Variants in ANO1 observed in about 807,000 individuals in gnomAD.
ANO1 encodes anoctamin 1.
Under a neutral mutation model 124.0 loss-of-function variants are expected in ANO1, and 59 were observed. The ratio of observed to expected loss-of-function variants is 0.48; its 90% CI spans 0.39 to 0.59. The LOEUF is 0.59. Ranked by LOEUF, ANO1 falls within the 20% of genes least tolerant of loss-of-function variation. The pLI, the probability that ANO1 is intolerant of heterozygous loss-of-function variation, is 0.00. For missense variants in ANO1, 1,059 were observed against 1,328.0 expected, an observed-to-expected ratio of 0.80 and a Z score of 3.15; for synonymous variants, 529 against 532.0, an observed-to-expected ratio of 0.99 and a Z score of 0.08.
intron 1 of ANO1, among the ~76,000 whole-genome samples, chr11:70,004,242 G>A (rs1036680825): frequency 4.6e-5 from 7 of 152,122 alleles, no homozygotes; most frequent in African/African-American, 1.2e-4. Flanking sequence ...TGTGCTAGAC[G>A]TGAGCTTTAG....
intron 11 of ANO1, among the ~76,000 whole-genome samples, chr11:70,139,160 CTTTTTTA>C (rs2135560822): frequency 6.6e-6 from 1 of 152,178 alleles, no homozygotes; most frequent in East Asian, 1.9e-4. Context: ...ACCACATATT[CTTTTTTA>C]TTTTTTATCT....
intron 1 of ANO1, among the ~76,000 whole-genome samples, chr11:70,000,115 G>A (rs1369730603): frequency 3.9e-5 from 6 of 152,172 alleles, no homozygotes; most frequent in Non-Finnish European, 7.3e-5. Flanking sequence ...AACCAAGTGA[G>A]GTCACTTTTT....
At chr11:70,060,518 T>C (rs1233383555) in intron 1 of ANO1, among the ~76,000 whole-genome samples, 1 of 152,090 alleles carries the variant, frequency 6.6e-6, no homozygotes, top group Admixed American at 6.5e-5. Context: ...TGGGCTGAAA[T>C]TGGGCCCATG....
At chr11:70,022,078 A>G (rs1856821005) in intron 1 of ANO1, among the ~76,000 whole-genome samples, 1 of 152,118 alleles carries the variant, frequency 6.6e-6, no homozygotes, top group East Asian at 1.9e-4. Context: ...CCGCTTTGAC[A>G]TCTCACGTTG....
chr11:70,095,299 G>GGAAGGAAGGAAGGAAGGAAA (rs1555017361), intron 2 of ANO1, among the ~76,000 whole-genome samples: 1 of 50,930 alleles, frequency 2.0e-5, no homozygotes. Context: ...AAGGAAGGAA[G>GGAAGGAAGGAAGGAAGGAAA]GAAAGAAAGA....
chr11:70,123,617 G>A lies in ANO1; in HGVS notation c.898-733G>A, dbSNP rs564796583. Among the ~76,000 whole-genome samples the A allele has an allele frequency of 3.9e-3, 592 of 152,292 alleles. 3 individuals are homozygous for A. The highest frequency in any genetic ancestry group is 0.013 in the African/African-American group (539 of 41,584). On this transcript the variant is annotated intron_variant, in intron 8 of 25. Transcript: ENST00000355303. ...CCCCACCTCTGGCTCCTGGTGGGCAGCTGCTCTGTCCCAGGACAGCCTCTG... is the reference window on the plus strand; with the variant it reads ...CCCCACCTCTGGCTCCTGGTGGGCAACTGCTCTGTCCCAGGACAGCCTCTG...
At chr11:70,180,517 CCCTCCTCGG>C (rs965642144) in intron 23 of ANO1, among the ~76,000 whole-genome samples, 7 of 152,254 alleles carry the variant, frequency 4.6e-5, no homozygotes, top group Admixed American at 1.3e-4. Context: ...AGGTGATTCG[CCCTCCTCGG>C]CCTCCCAAAG....
chr11:70,177,979 C>T (rs2048790924), intron 22 of ANO1, among the ~76,000 whole-genome samples: 1 of 152,236 alleles, frequency 6.6e-6, no homozygotes. Context: ...ACAAGATGGC[C>T]ATGCTGCCTG....
intron 1 of ANO1, among the ~76,000 whole-genome samples, chr11:69,995,466 T>C (rs1013020722): frequency 2.0e-5 from 3 of 152,192 alleles, no homozygotes; most frequent in Non-Finnish European, 4.4e-5. Flanking sequence ...CATCTGTTTC[T>C]GTCCTAGGAT....
intron 1 of ANO1, among the ~76,000 whole-genome samples, chr11:70,065,823 T>C (rs1056029228): frequency 6.6e-6 from 1 of 152,208 alleles, no homozygotes; most frequent in Non-Finnish European, 1.5e-5. Context: ...TTGTCAGGGC[T>C]GGCTCCTGGG....
chr11:70,167,543 C>T (rs534198361), intron 21 of ANO1, among the ~76,000 whole-genome samples, 156 bp downstream of exon 21: 115 of 152,290 alleles, frequency 7.6e-4, no homozygotes, highest in Non-Finnish European at 1.3e-3. Flanking sequence ...AGATGCAGAC[C>T]CTGGGATCCT....
intron 11 of ANO1, among the ~76,000 whole-genome samples, chr11:70,147,239 G>A (rs898148405): frequency 6.6e-6 from 1 of 152,236 alleles, no homozygotes; most frequent in African/African-American, 2.4e-5. Flanking sequence ...GGGCCTTGCA[G>A]ACCAGGCAGA....
intron 1 of ANO1, among the ~76,000 whole-genome samples, chr11:70,071,443 T>C (rs1857871443): frequency 6.6e-6 from 1 of 152,230 alleles, no homozygotes; most frequent in Non-Finnish European, 1.5e-5. Context: ...TTTCCTTAAA[T>C]AATAGGAAAA....
At chr11:70,109,253 G>A (rs145126319) in intron 6 of ANO1, among the ~76,000 whole-genome samples, 5 of 152,320 alleles carry the variant, frequency 3.3e-5, no homozygotes, top group South Asian at 4.1e-4. Flanking sequence ...TTGGCTTCCC[G>A]TGGTGGCAGG....
At chr11:70,135,044 AAG>A (rs1470094280) in intron 11 of ANO1, among the ~76,000 whole-genome samples, 1 of 152,128 alleles carries the variant, frequency 6.6e-6, no homozygotes, top group African/African-American at 2.4e-5. Context: ...CCGCAAGTCT[AAG>A]AGGGAGCTTG....
chr11:70,008,961 G>T (rs1312619633), intron 1 of ANO1, among the ~76,000 whole-genome samples: 2 of 152,120 alleles, frequency 1.3e-5, no homozygotes, highest in Non-Finnish European at 2.9e-5. Context: ...AAATGTCGAG[G>T]AATCAGTGGG....
chr11:70,079,594 T>C (rs2044143271), intron 1 of ANO1, among the ~76,000 whole-genome samples: 1 of 152,112 alleles, frequency 6.6e-6, no homozygotes, highest in African/African-American at 2.4e-5. Context: ...CTATCTCCTC[T>C]TGGGGTGAGG....
intron 1 of ANO1, among the ~76,000 whole-genome samples, chr11:69,989,884 T>C (rs1404016089): frequency 6.6e-6 from 1 of 152,060 alleles, no homozygotes; most frequent in Non-Finnish European, 1.5e-5. Context: ...GATTTCCAGA[T>C]TGAGTGGCTG....
At chr11:70,030,306 G>T (rs1227229561) in intron 1 of ANO1, among the ~76,000 whole-genome samples, 12 of 152,246 alleles carry the variant, frequency 7.9e-5, no homozygotes, top group Non-Finnish European at 1.5e-4. Context: ...GATGAGGACT[G>T]GGCAAAGGTA....
Sources: allele counts gnomAD v4.1 joint callset (sites outside exome capture counted in the v4.1 genomes callset), GRCh38; gene constraint gnomAD v4.1.1; transcripts MANE v1.5; gene names NCBI Gene and HGNC (gene_info 2026-07-23, HGNC 2026-07-21).